COL17A1: variants seen among roughly 807,000 people sequenced by gnomAD.
COL17A1 encodes the protein collagen type XVII alpha 1 chain.
COL17A1 carries 181 observed loss-of-function variants against 218.4 expected under a neutral mutation model. That is an observed-to-expected ratio of 0.83 (90% CI 0.73 to 0.94). The LOEUF is 0.94. COL17A1 is among the 40% of genes least tolerant of loss of function. The probability of loss-of-function intolerance (pLI) is 0.00; values close to 1 mark genes in which losing one functional copy is unlikely to be tolerated. For synonymous variants in COL17A1, 721 were observed against 731.0 expected (o/e 0.99, Z 0.22); for missense variants, 1,924 against 1,945.9 (o/e 0.99, Z 0.21).
chr10:104,033,451 C>T (rs747925767), intron 52 of COL17A1, 76 bp from the exon 53 acceptor site: 94 of 1,543,362 alleles, frequency 6.1e-5, no homozygotes, highest in Non-Finnish European at 7.8e-5. Context: ...CAGTGCCCTC[C>T]GAGTGTCAAA....
intron 25 of COL17A1, 53 bp from the exon 26 acceptor site, chr10:104,050,954 G>T (rs1162546469): frequency 3.1e-6 from 5 of 1,589,796 alleles, no homozygotes; most frequent in Non-Finnish European, 4.3e-6. Flanking sequence ...GCTTTGGAAT[G>T]ATGAGACATG....
chr10:104,066,536 T>C (rs2086627727), intron 9 of COL17A1, among the ~76,000 whole-genome samples: 1 of 152,176 alleles, frequency 6.6e-6, no homozygotes, highest in Non-Finnish European at 1.5e-5. Context: ...ATGCTCTTTG[T>C]TAAATTAGTG....
chr10:104,048,100 AGG>A lies in COL17A1; in HGVS notation c.2230_2231del (p.Pro744CysfsTer12), dbSNP rs772030673. 6.0e-5 allele frequency: 97 copies of A among 1,614,098 alleles called. No individual in the cohort carries two copies. Among genetic ancestry groups the A allele is most frequent in the African/African-American group, 5.7e-4 (43 of 74,924 alleles). On this transcript the variant is annotated frameshift_variant and splice_region_variant, in exon 30 of 56. Coordinates refer to ENST00000648076, the MANE Select transcript of COL17A1 (RefSeq NM_000494.4). LOFTEE classifies it high-confidence loss of function. ...GEPGAKGAMGPAGPDGHQGPR... is the reference protein window; with the variant it reads ...GEPGAKGAMGXAGPDGHQGPR... ...GGCCTTGGTGTCCGTCTGGGCCAGC[AGG>A]ACCTGGTAAAGTAGAAGCAAGGTCT...
At chr10:104,046,660 T>C in intron 32 of COL17A1, 87 bp downstream of exon 32, 1 of 1,342,914 alleles carries the variant, frequency 7.4e-7, no homozygotes, top group Non-Finnish European at 1.1e-6. Context: ...GAGAGGAAAC[T>C]CTGGTGACTG....
chr10:104,081,720 C>T (rs1589580588), intron 1 of COL17A1, among the ~76,000 whole-genome samples: 1 of 152,180 alleles, frequency 6.6e-6, no homozygotes, highest in East Asian at 1.9e-4. Context: ...GTGCCCCTTG[C>T]TTGAAGAGCT....
Position 104,055,884 on chromosome 10 carries a change from G to A in COL17A1, c.1585C>T (p.Pro529Ser). 4 of 1,614,182 alleles carry A rather than the reference G, an allele frequency of 2.5e-6. No individual in the cohort carries two copies. The highest frequency in any genetic ancestry group is 1.1e-5 in the South Asian group (1 of 91,080). ...IEKDRLQGMA[P>S]AAGADLDKIG... ...TTGTCCAGGTCTGCTCCCGCCGCGG[G>A]TGCCATGCCCTGGAGGCGGTCCTTT... Residue 529 changes from proline to serine, a missense_variant, in exon 18 of 56, where the codon CCC becomes TCC. Transcript: ENST00000648076.
At chr10:104,033,889 G>A in intron 52 of COL17A1, 56 bp downstream of exon 52, 2 of 1,611,652 alleles carry the variant, frequency 1.2e-6, no homozygotes, top group Non-Finnish European at 8.5e-7. Context: ...AAGCCAGTCT[G>A]GAGATGCTCC....
chr10:104,033,322 G>A lies in COL17A1; in HGVS notation c.4210C>T (p.Pro1404Ser), dbSNP rs1340012542. 2 of 1,608,386 alleles carry A rather than the reference G, an allele frequency of 1.2e-6. No homozygotes were observed. The highest frequency in any genetic ancestry group is 1.7e-6 in the Non-Finnish European group (2 of 1,177,586). ...ATGCCGGGTGGCCCCTGTGGCCCAG[G>A]CTGGCCTGGTGGGCCCTGGACAGTG... is the stretch of plus-strand genomic sequence containing the variant. ...AYTVQGPPGQ[P>S]GPQGPPGISK... is the part of the protein sequence containing the mutation. The change falls in exon 53 of 56, where the codon CCT (proline) becomes TCT (serine). Residue 1404 changes from proline to serine, a missense_variant. By Grantham distance (74) the Pro-to-Ser change is moderately conservative (BLOSUM62 -1). Transcript: ENST00000648076.
chr10:104,052,078 G>T, intron 24 of COL17A1, 77 bp downstream of exon 24: 1 of 1,597,738 alleles, frequency 6.3e-7, no homozygotes, highest in South Asian at 1.1e-5. Flanking sequence ...GGGTCCCAGG[G>T]CCTCTTCTCT....
intron 2 of COL17A1, 103 bp downstream of exon 2, chr10:104,080,519 A>G: frequency 7.5e-7 from 1 of 1,339,780 alleles, no homozygotes; most frequent in Non-Finnish European, 1.0e-6. Flanking sequence ...TAAACATGAT[A>G]CAGTGGTTGT....
Position 104,080,682 on chromosome 10 carries a change from C to A in COL17A1, c.-9G>T. On this transcript the variant is annotated splice_region_variant and 5_prime_UTR_variant, in exon 2 of 56. Transcript: ENST00000648076. Reference sequence around the variant, plus strand: ...TTCTTGGTTACATCCATACCATAGCCACCTGCAGGAAAAATCAGAAACCAT... The same window carrying A: ...TTCTTGGTTACATCCATACCATAGCAACCTGCAGGAAAAATCAGAAACCAT... 1.9e-6 allele frequency: 3 copies of A among 1,613,180 alleles called. No individual in the cohort carries two copies. The highest frequency in any genetic ancestry group is 2.5e-6 in the Non-Finnish European group (3 of 1,179,964).
chr10:104,073,350 T>C, intron 6 of COL17A1, 105 bp from the exon 7 acceptor site: 1 of 982,846 alleles, frequency 1.0e-6, no homozygotes, highest in Non-Finnish European at 1.6e-6. Flanking sequence ...TTTCATAGTG[T>C]GTCTAAATCC....
rs1039965538 is a variant in COL17A1, at chr10:104,057,311, A to G, written c.1268-139T>C. ...AAGTTCCTGTGCTGTTCCACCCAGG[A>G]CAGGGCTGGCTCCTGGACTGAGCAC... On this transcript the variant is annotated intron_variant, in intron 16 of 55. Transcript: ENST00000648076. The G allele has an allele frequency of 1.2e-5, 16 of 1,389,728 alleles. No homozygotes were observed. The African/African-American group carries it at 2.3e-4, about 20-fold the overall frequency. The allele number at this position is 1,389,728 out of a possible 1,614,324, so 86.1% of individuals were successfully genotyped here.
In COL17A1 at chr10:104,076,309, G is replaced by A. The variant is rs185337666; in HGVS notation, c.323C>T (p.Ala108Val). Residue 108 changes from alanine to valine, a missense_variant, in exon 5 of 56, where the codon GCG (alanine) becomes GTG (valine). Physicochemically the swap from Ala to Val is moderately conservative, Grantham distance 64. Transcript: ENST00000648076. ...FERKTHVTRH[A>V]YEGSSSGNSS... ...GTTAGTGGGACTGATACCTTCATACGCATGGCGGGTAACGTGAGTTTTCCT... is the reference window on the plus strand; with the variant it reads ...GTTAGTGGGACTGATACCTTCATACACATGGCGGGTAACGTGAGTTTTCCT... The A allele has an allele frequency of 7.4e-6, 12 of 1,614,044 alleles. No individual in the cohort carries two copies. The Admixed American group carries it at 8.3e-5, about 11-fold the overall frequency.
chr10:104,052,218 C>T lies in COL17A1; in HGVS notation c.1940-1G>A. ...TGAGGACCTGGTTCACCAGCAGCCCCTGAGGAGAAATGGAGGGATGAGCAC... is the reference window on the plus strand; with the variant it reads ...TGAGGACCTGGTTCACCAGCAGCCCTTGAGGAGAAATGGAGGGATGAGCAC... On this transcript the variant is annotated splice_acceptor_variant, in intron 23 of 55. Coordinates refer to ENST00000648076, the MANE Select transcript of COL17A1 (RefSeq NM_000494.4). LOFTEE classifies it high-confidence loss of function. 1 of 1,614,140 alleles carries T rather than the reference C, an allele frequency of 6.2e-7. No individual in the cohort carries two copies. Among genetic ancestry groups the T allele is most frequent in the Non-Finnish European group, 8.5e-7 (1 of 1,179,998 alleles).
At position 104,059,721 on chromosome 10, in the gene COL17A1, A is replaced by G. The variant is rs757602201; in HGVS notation, c.1142-3T>C. The G allele has an allele frequency of 2.8e-5, 45 of 1,613,874 alleles. No individual in the cohort carries two copies. The highest frequency in any genetic ancestry group is 3.0e-5 in the Non-Finnish European group (35 of 1,179,880). On this transcript the variant is annotated splice_region_variant and splice_polypyrimidine_tract_variant and intron_variant, in intron 14 of 55. Coordinates refer to ENST00000648076, the MANE Select transcript of COL17A1 (RefSeq NM_000494.4). ...TAGGGTGTCTTCTGAAAAAGAAGCT[A>G]TGTACAGAACCCATTATAACCTGGC...
At chr10:104,039,404 AC>A (rs1287021801) in intron 43 of COL17A1, 40 bp downstream of exon 43, 1 of 1,600,438 alleles carries the variant, frequency 6.2e-7, no homozygotes, top group African/African-American at 1.3e-5. Flanking sequence ...CACCAGGCTC[AC>A]CCCTACTCCT....
intron 52 of COL17A1, 55 bp from the exon 53 acceptor site, chr10:104,033,430 C>T: frequency 6.3e-7 from 1 of 1,591,372 alleles, no homozygotes; most frequent in Admixed American, 1.7e-5. Flanking sequence ...GTACCCTCTT[C>T]AGCAGGAGCA....
chr10:104,033,141 T>C (rs1205351007), intron 53 of COL17A1, 97 bp downstream of exon 53: 11 of 1,537,100 alleles, frequency 7.2e-6, no homozygotes, highest in Non-Finnish European at 9.7e-6. Context: ...CAAATGTTAA[T>C]AACTGGAGAT....
Sources: gnomAD v4.1 joint callset for allele counts (sites outside exome capture counted in the v4.1 genomes callset) on GRCh38, gnomAD v4.1.1 for gene constraint, MANE v1.5 for transcripts, NCBI Gene and HGNC (gene_info 2026-07-23, HGNC 2026-07-21) for gene names.